Variants in NRXN3 observed in about 807,000 individuals in gnomAD.
NRXN3 encodes the protein neurexin 3.
NRXN3 carries 32 observed loss-of-function variants against 137.6 expected under a neutral mutation model. The ratio of observed to expected loss-of-function variants is 0.23; its 90% confidence interval spans 0.18 to 0.31. The LOEUF (loss-of-function observed/expected upper bound fraction) is 0.31, where lower values mean the gene tolerates loss of function less well. Among genes scored for constraint, NRXN3 ranks in the 10% least tolerant of loss-of-function variants. The pLI, the probability that NRXN3 is intolerant of heterozygous loss-of-function variation, is 1.00. For missense variants in NRXN3, 1,574 were observed against 2,062.5 expected, an observed-to-expected ratio of 0.76 and a Z score of 4.59; for synonymous variants, 798 against 784.5, an observed-to-expected ratio of 1.02 and a Z score of -0.29.
chr14:79,156,303 C>T (rs1339740727), intron 15 of NRXN3, among the ~76,000 whole-genome samples: 1 of 151,806 alleles, frequency 6.6e-6, no homozygotes, highest in Non-Finnish European at 1.5e-5. Flanking sequence ...GATCTGGCAC[C>T]TGCAATCTTA....
At chr14:79,684,262 G>A (rs191495752) in intron 17 of NRXN3, among the ~76,000 whole-genome samples, 16 of 151,086 alleles carry the variant, frequency 1.1e-4, no homozygotes, top group South Asian at 2.1e-4. Flanking sequence ...TGAATGCAAC[G>A]TGGAACAATT....
intron 4 of NRXN3, among the ~76,000 whole-genome samples, chr14:78,413,041 T>A (rs2092925417): frequency 6.6e-6 from 1 of 152,216 alleles, no homozygotes; most frequent in Admixed American, 6.5e-5. Context: ...TTACCTTTGC[T>A]TGAAGGCATC....
At chr14:79,333,928 C>T (rs1439282513) in intron 15 of NRXN3, among the ~76,000 whole-genome samples, 2 of 152,198 alleles carry the variant, frequency 1.3e-5, no homozygotes, top group East Asian at 3.9e-4. Flanking sequence ...TTTTTAAAGC[C>T]AAATATGAAT....
intron 6 of NRXN3, among the ~76,000 whole-genome samples, chr14:78,687,062 T>C (rs2098131903): frequency 6.6e-6 from 1 of 152,140 alleles, no homozygotes; most frequent in Non-Finnish European, 1.5e-5. Flanking sequence ...TGGGAATTGA[T>C]AGAATCTGGG....
intron 15 of NRXN3, among the ~76,000 whole-genome samples, chr14:79,346,092 C>G (rs1444192117): frequency 6.6e-6 from 1 of 152,136 alleles, no homozygotes; most frequent in Non-Finnish European, 1.5e-5. Context: ...ACTGGTTTAT[C>G]CTACCTATGG....
chr14:78,336,124 G>A (rs185672364), intron 4 of NRXN3, among the ~76,000 whole-genome samples: 103 of 152,308 alleles, frequency 6.8e-4, no homozygotes, highest in Non-Finnish European at 1.2e-3. Flanking sequence ...GTTTGGAGTT[G>A]TGGCCAGGTA....
intron 2 of NRXN3, among the ~76,000 whole-genome samples, chr14:78,268,403 C>T (rs564455110): frequency 5.9e-5 from 9 of 152,154 alleles, no homozygotes; most frequent in Admixed American, 2.0e-4. Context: ...AAATATGGCT[C>T]CTGAGATCCC....
intron 4 of NRXN3, among the ~76,000 whole-genome samples, chr14:78,372,432 C>G (rs1016492091): frequency 5.9e-5 from 9 of 152,034 alleles, no homozygotes; most frequent in Non-Finnish European, 1.5e-5. Flanking sequence ...TCAAGCAATT[C>G]TCCTGCCTCA....
At chr14:78,208,826 T>G (rs142565528) in intron 1 of NRXN3, among the ~76,000 whole-genome samples, 15 of 152,366 alleles carry the variant, frequency 9.8e-5, no homozygotes, top group African/African-American at 3.4e-4. Context: ...CAGCAAGTAC[T>G]GTATTGTTAT....
At chr14:79,606,184 T>A (rs1001071847) in intron 16 of NRXN3, among the ~76,000 whole-genome samples, 13 of 152,196 alleles carry the variant, frequency 8.5e-5, no homozygotes, top group African/African-American at 3.1e-4. Flanking sequence ...GGTCCACCTC[T>A]TCAATCTTCT....
At position 79,361,996 on chromosome 14, in the gene NRXN3, AATTATTATTATT is replaced by A. The variant is rs3036671; in HGVS notation, c.3263-105197_3263-105186del. On this transcript the variant is annotated intron_variant, in intron 15 of 20. Coordinates refer to ENST00000335750, the MANE Select transcript of NRXN3 (RefSeq NM_001330195.2). ...TTTACGCTATTCATTCTACTTTTAT[AATTATTATTATT>A]ATTATTATTATTATTATTATTATTA... Among the ~76,000 whole-genome samples, 153 of 142,104 alleles carry A rather than the reference AATTATTATTATT, an allele frequency of 1.1e-3. 2 individuals carry two copies. The East Asian group carries it at 0.017, about 16-fold the overall frequency. 93.2% of individuals were successfully genotyped at this position (142,104 alleles called of 152,430 possible).
intron 15 of NRXN3, among the ~76,000 whole-genome samples, chr14:79,091,925 T>C (rs1234951417): frequency 1.3e-5 from 2 of 152,210 alleles, no homozygotes; most frequent in Admixed American, 6.5e-5. Flanking sequence ...AGGTTCTTTG[T>C]TCACTTGCAA....
intron 1 of NRXN3, among the ~76,000 whole-genome samples, chr14:78,204,927 A>G (rs1364382354): frequency 6.6e-6 from 1 of 152,158 alleles, no homozygotes; most frequent in African/African-American, 2.4e-5. Context: ...GTTCTTTGGA[A>G]GTTTTCAGGA....
intron 6 of NRXN3, among the ~76,000 whole-genome samples, chr14:78,706,197 C>A (rs1039991778): frequency 1.3e-5 from 2 of 152,168 alleles, no homozygotes; most frequent in Non-Finnish European, 2.9e-5. Flanking sequence ...TAGTCACAGG[C>A]ATTTAACCCA....
intron 15 of NRXN3, among the ~76,000 whole-genome samples, chr14:79,206,791 C>A (rs186332805): frequency 6.6e-6 from 1 of 152,132 alleles, no homozygotes; most frequent in Admixed American, 6.5e-5. Flanking sequence ...TCTTAATAGG[C>A]ACACATACCA....
chr14:79,028,713 A>G (rs182464513), intron 15 of NRXN3, among the ~76,000 whole-genome samples: 3 of 152,238 alleles, frequency 2.0e-5, no homozygotes, highest in Non-Finnish European at 4.4e-5. Flanking sequence ...GTTGGTTAGG[A>G]TGTTGACAGG....
intron 19 of NRXN3, among the ~76,000 whole-genome samples, chr14:79,735,287 A>G (rs921018369): frequency 1.3e-5 from 2 of 152,214 alleles, no homozygotes; most frequent in Non-Finnish European, 2.9e-5. Context: ...AAAGTGGGCT[A>G]TTATGTACAT....
chr14:79,272,200 G>A (rs910013772), intron 15 of NRXN3, among the ~76,000 whole-genome samples: 1 of 143,552 alleles, frequency 7.0e-6, no homozygotes, highest in Admixed American at 7.0e-5. Context: ...TTTGTGGCTG[G>A]TCTAATTTGG....
At chr14:79,681,339 A>C (rs144469685) in intron 17 of NRXN3, among the ~76,000 whole-genome samples, 1 of 152,174 alleles carries the variant, frequency 6.6e-6, no homozygotes, top group East Asian at 1.9e-4. Flanking sequence ...TCCTGGCTAT[A>C]TCATTTAGGT....
Sources: allele counts gnomAD v4.1 joint callset (sites outside exome capture counted in the v4.1 genomes callset), GRCh38; gene constraint gnomAD v4.1.1; transcripts MANE v1.5; gene names NCBI Gene and HGNC (gene_info 2026-07-23, HGNC 2026-07-21).